Variants in MPPED2 observed in about 807,000 individuals in gnomAD.
MPPED2 encodes metallophosphoesterase MPPED2.
MPPED2 carries 5 observed loss-of-function variants against 33.0 expected under a neutral mutation model. That is an observed-to-expected ratio of 0.15 (90% CI 0.08 to 0.32). MPPED2 has a LOEUF of 0.32. MPPED2 is among the 10% of genes least tolerant of loss of function. The pLI, the probability that MPPED2 is intolerant of heterozygous loss-of-function variation, is 1.00. For synonymous variants in MPPED2, 136 were observed against 141.9 expected (o/e 0.96, Z 0.29); for missense variants, 275 against 372.1 (o/e 0.74, Z 2.15).
At position 30,498,234 on chromosome 11, in the gene MPPED2, A is replaced by T. The variant is rs182056434; in HGVS notation, c.311-2713T>A. 1.9e-3 allele frequency among the ~76,000 whole-genome samples: 285 copies of T among 152,056 alleles called. 1 individual carries two copies. The highest frequency in any genetic ancestry group is 3.0e-3 in the Non-Finnish European group (206 of 67,994). On this transcript the variant is annotated intron_variant, in intron 3 of 6. Coordinates refer to ENST00000358117, the MANE Select transcript of MPPED2 (RefSeq NM_001584.3). Reference sequence around the variant, plus strand: ...AAGCTGACCTGCTTGTATAAAAAAAACCAAGGCCATATATATACTCTAACA... The same window carrying T: ...AAGCTGACCTGCTTGTATAAAAAAATCCAAGGCCATATATATACTCTAACA...
At chr11:30,415,212 G>T (rs2133755755) in intron 5 of MPPED2, among the ~76,000 whole-genome samples, 1 of 152,282 alleles carries the variant, frequency 6.6e-6, no homozygotes, top group African/African-American at 2.4e-5. Context: ...GGGCCAAACT[G>T]CAGACATGAA....
chr11:30,407,482 T>C (rs1948007973), downstream of MPPED2, among the ~76,000 whole-genome samples: 1 of 152,230 alleles, frequency 6.6e-6, no homozygotes, highest in Admixed American at 6.5e-5. Context: ...CCTATCCTTA[T>C]GAAGAGAGGC....
chr11:30,452,469 GT>G (rs1388978277), intron 4 of MPPED2, among the ~76,000 whole-genome samples: 1 of 152,112 alleles, frequency 6.6e-6, no homozygotes, highest in African/African-American at 2.4e-5. Flanking sequence ...ATGTTTCTGT[GT>G]TCCCTCTGCC....
At chr11:30,500,132 C>A (rs1242595506) in intron 3 of MPPED2, among the ~76,000 whole-genome samples, 1 of 152,188 alleles carries the variant, frequency 6.6e-6, no homozygotes, top group Non-Finnish European at 1.5e-5. Context: ...TGCTTCTACT[C>A]TCCTTCCAAA....
chr11:30,524,141 T>A (rs1228627480), intron 3 of MPPED2, among the ~76,000 whole-genome samples: 1 of 151,872 alleles, frequency 6.6e-6, no homozygotes, highest in Non-Finnish European at 1.5e-5. Context: ...TTCCAGCTAC[T>A]CAGTGGGAGG....
At chr11:30,424,043 C>G (rs1948729007) in intron 4 of MPPED2, among the ~76,000 whole-genome samples, 1 of 152,206 alleles carries the variant, frequency 6.6e-6, no homozygotes, top group African/African-American at 2.4e-5. Flanking sequence ...CGCTCACTCG[C>G]TCACTTGCTC....
chr11:30,526,553 T>C (rs531663208), intron 3 of MPPED2, among the ~76,000 whole-genome samples: 1 of 152,308 alleles, frequency 6.6e-6, no homozygotes, highest in South Asian at 2.1e-4. Flanking sequence ...ATCTTGACTC[T>C]AGGGAAACCT....
At chr11:30,466,939 T>C (rs1247275390) in intron 4 of MPPED2, among the ~76,000 whole-genome samples, 1 of 152,188 alleles carries the variant, frequency 6.6e-6, no homozygotes, top group Non-Finnish European at 1.5e-5. Flanking sequence ...ATTGAATACG[T>C]GTGTGTATGT....
At chr11:30,526,125 A>C (rs1954160965) in intron 3 of MPPED2, among the ~76,000 whole-genome samples, 1 of 152,196 alleles carries the variant, frequency 6.6e-6, no homozygotes, top group Non-Finnish European at 1.5e-5. Context: ...ATAGGAAAAA[A>C]ATTATTCAAT....
chr11:30,519,543 T>C (rs1565148008), intron 3 of MPPED2, among the ~76,000 whole-genome samples: 2 of 151,730 alleles, frequency 1.3e-5, no homozygotes, highest in South Asian at 2.1e-4. Flanking sequence ...TGTAAAATCA[T>C]AAAAAATGAT....
chr11:30,490,159 A>G (rs540116855), intron 4 of MPPED2, among the ~76,000 whole-genome samples: 1 of 152,190 alleles, frequency 6.6e-6, no homozygotes, highest in Non-Finnish European at 1.5e-5. Flanking sequence ...CCTTTGAGAA[A>G]GATGTTACAG....
intron 1 of MPPED2, among the ~76,000 whole-genome samples, chr11:30,582,156 T>C (rs1320757350): frequency 6.6e-6 from 1 of 152,194 alleles, no homozygotes; most frequent in Non-Finnish European, 1.5e-5. Context: ...CTGCTTCAAA[T>C]TGCAGTCCTG....
At chr11:30,543,372 C>G (rs1955235726) in intron 2 of MPPED2, among the ~76,000 whole-genome samples, 1 of 152,148 alleles carries the variant, frequency 6.6e-6, no homozygotes, top group African/African-American at 2.4e-5. Flanking sequence ...CTGTGTGACC[C>G]TGGGCAAGTC....
intron 2 of MPPED2, among the ~76,000 whole-genome samples, chr11:30,544,417 A>G (rs1955299577): frequency 6.6e-6 from 1 of 152,212 alleles, no homozygotes; most frequent in African/African-American, 2.4e-5. Flanking sequence ...GCAGTAGGTC[A>G]ATAACCATGT....
At chr11:30,467,648 C>T (rs1196383701) in intron 4 of MPPED2, among the ~76,000 whole-genome samples, 2 of 152,132 alleles carry the variant, frequency 1.3e-5, no homozygotes, top group Non-Finnish European at 2.9e-5. Flanking sequence ...CTAATTCTTT[C>T]CCACTCCAAG....
intron 5 of MPPED2, among the ~76,000 whole-genome samples, chr11:30,415,323 C>T (rs907555801): frequency 3.3e-5 from 5 of 152,132 alleles, no homozygotes; most frequent in Admixed American, 6.5e-5. Context: ...ATCTATCCAG[C>T]GTTTTCAAAA....
chr11:30,520,610 T>A (rs1165504826), intron 3 of MPPED2, among the ~76,000 whole-genome samples: 2 of 152,204 alleles, frequency 1.3e-5, no homozygotes, highest in African/African-American at 4.8e-5. Context: ...GTCATTTTCA[T>A]ATACAGTAAG....
At chr11:30,470,421 G>T (rs901531625) in intron 4 of MPPED2, among the ~76,000 whole-genome samples, 2 of 152,112 alleles carry the variant, frequency 1.3e-5, no homozygotes, top group African/African-American at 4.8e-5. Context: ...CTGGAGACAG[G>T]GGGTAGAGGG....
chr11:30,536,114 A>AT lies in MPPED2; in HGVS notation c.189_190insA (p.Ser64IlefsTer34). ...CCATCTGTTCTGGAGTGTGTGTCTGAGATGCAGACAAACCGCGTGTGGCCC... is the reference window on the plus strand; with the variant it reads ...CCATCTGTTCTGGAGTGTGTGTCTGATGATGCAGACAAACCGCGTGTGGCCC... On this transcript the variant is annotated frameshift_variant, in exon 3 of 7. Transcript: ENST00000358117. LOFTEE classifies it high-confidence loss of function. The AT allele has an allele frequency of 6.2e-7, 1 of 1,613,234 alleles. No individual in the cohort carries two copies. The highest frequency in any genetic ancestry group is 8.5e-7 in the Non-Finnish European group (1 of 1,179,718).
Sources: gnomAD v4.1 joint callset for allele counts (sites outside exome capture counted in the v4.1 genomes callset) on GRCh38, gnomAD v4.1.1 for gene constraint, MANE v1.5 for transcripts, NCBI Gene and HGNC (gene_info 2026-07-23, HGNC 2026-07-21) for gene names.